CNTN1: variants seen among roughly 807,000 people sequenced by gnomAD.
CNTN1 encodes the protein contactin-1.
Under a neutral mutation model 126.4 loss-of-function variants are expected in CNTN1, and 38 were observed. The ratio of observed to expected loss-of-function variants is 0.30; its 90% CI spans 0.23 to 0.39. CNTN1 has a LOEUF of 0.39. Among genes scored for constraint, CNTN1 ranks in the 10% least tolerant of loss-of-function variants. The pLI, the probability that CNTN1 is intolerant of heterozygous loss-of-function variation, is 1.00. For synonymous variants in CNTN1, 413 were observed against 422.6 expected, an observed-to-expected ratio of 0.98 and a Z score of 0.28; for missense variants, 1,009 against 1,248.4, an observed-to-expected ratio of 0.81 and a Z score of 2.89.
At chr12:40,755,016 C>T (rs1938543952) in intron 1 of CNTN1, among the ~76,000 whole-genome samples, 1 of 151,718 alleles carries the variant, frequency 6.6e-6, no homozygotes, top group Admixed American at 6.6e-5. Context: ...CATAGTGAGA[C>T]TCTGCCTCTA....
intron 15 of CNTN1, among the ~76,000 whole-genome samples, chr12:40,974,371 G>A (rs1947613499): frequency 6.6e-6 from 1 of 152,052 alleles, no homozygotes; most frequent in South Asian, 2.1e-4. Context: ...TTGGGAGACT[G>A]AGATGGGATC....
intron 1 of CNTN1, among the ~76,000 whole-genome samples, chr12:40,880,794 C>T (rs1250597724): frequency 6.6e-6 from 1 of 151,890 alleles, no homozygotes; most frequent in Non-Finnish European, 1.5e-5. Context: ...TTATCCTTCT[C>T]TTGACTCTAT....
chr12:40,942,910 G>C (rs1237418130), intron 12 of CNTN1, among the ~76,000 whole-genome samples: 2 of 151,960 alleles, frequency 1.3e-5, no homozygotes, highest in African/African-American at 4.8e-5. Context: ...ATATACGTTT[G>C]CATGTTTTGT....
chr12:40,946,398 T>A (rs554986778), intron 14 of CNTN1, among the ~76,000 whole-genome samples: 10 of 152,064 alleles, frequency 6.6e-5, no homozygotes, highest in Non-Finnish European at 1.5e-4. Flanking sequence ...TTTATGTAGT[T>A]CTCCCAATAT....
At position 40,833,212 on chromosome 12, in the gene CNTN1, G is replaced by T. The variant is rs183170285; in HGVS notation, c.-76-75145G>T. Among the ~76,000 whole-genome samples the T allele has an allele frequency of 7.0e-4, 107 of 152,036 alleles. No homozygotes were observed. The East Asian group carries it at 0.013, about 19-fold the overall frequency. On this transcript the variant is annotated intron_variant, in intron 1 of 23. Transcript: ENST00000551295. ...CAAGTTCAAGCGACTCTTCTGCCTC[G>T]GCCTCCCGAGTAGCTGGGATTACAG... is the stretch of plus-strand genomic sequence containing the variant.
intron 1 of CNTN1, among the ~76,000 whole-genome samples, chr12:40,868,773 T>C (rs1005595370): frequency 9.9e-5 from 15 of 152,126 alleles, no homozygotes; most frequent in African/African-American, 3.4e-4. Context: ...CAGTCAATTA[T>C]AAATTCTGTG....
intron 1 of CNTN1, among the ~76,000 whole-genome samples, chr12:40,852,826 T>A (rs1297361023): frequency 1.3e-5 from 2 of 152,094 alleles, no homozygotes; most frequent in African/African-American, 4.8e-5. Flanking sequence ...TTATTAATTT[T>A]CATGATTCTA....
intron 14 of CNTN1, among the ~76,000 whole-genome samples, chr12:40,958,335 ATGTGTGTGTGTATATATGTG>A (rs1566036929): frequency 1.4e-5 from 2 of 142,784 alleles, no homozygotes; most frequent in Non-Finnish European, 1.5e-5. Context: ...GTATGTGTAT[ATGTGTGTGTGTATATATGTG>A]TGTGTGTGTG....
chr12:40,703,844 G>A (rs771390666), intron 1 of CNTN1, among the ~76,000 whole-genome samples: 25 of 152,012 alleles, frequency 1.6e-4, no homozygotes, highest in Non-Finnish European at 1.8e-4. Flanking sequence ...TGTGGTAGAC[G>A]TTGCATTGGG....
chr12:40,784,731 C>T (rs937931713), intron 1 of CNTN1, among the ~76,000 whole-genome samples: 3 of 152,062 alleles, frequency 2.0e-5, no homozygotes. Context: ...TCAACAGGGT[C>T]GTGTTCTATA....
chr12:40,725,132 T>C (rs113053146), intron 1 of CNTN1, among the ~76,000 whole-genome samples: 277 of 152,286 alleles, frequency 1.8e-3, no homozygotes, highest in Non-Finnish European at 2.8e-3. Context: ...CCAGGTGTGG[T>C]GGCTCATGCC....
At chr12:40,949,569 C>CTTTTTTTTTTTT (rs36070275) in intron 14 of CNTN1, among the ~76,000 whole-genome samples, 2 of 64,308 alleles carry the variant, frequency 3.1e-5, no homozygotes, top group Non-Finnish European at 5.6e-5. Flanking sequence ...TCTTTTCTTT[C>CTTTTTTTTTTTT]TTTTTTTTTT....
At chr12:41,039,226 G>T (rs574546149) in intron 23 of CNTN1, among the ~76,000 whole-genome samples, 1 of 152,156 alleles carries the variant, frequency 6.6e-6, no homozygotes, top group Non-Finnish European at 1.5e-5. Context: ...GAAATCTCAT[G>T]AATGGTGGTG....
At chr12:40,849,079 C>T (rs1942623118) in intron 1 of CNTN1, among the ~76,000 whole-genome samples, 2 of 152,002 alleles carry the variant, frequency 1.3e-5, no homozygotes, top group South Asian at 2.1e-4. Context: ...AACCGAAGAA[C>T]CTGAATTTAG....
At chr12:40,906,483 A>C (rs1401820958) in intron 1 of CNTN1, among the ~76,000 whole-genome samples, 2 of 152,218 alleles carry the variant, frequency 1.3e-5, no homozygotes, top group East Asian at 3.9e-4. Context: ...GGATTCTTGC[A>C]AATCAGGGAG....
At chr12:40,885,493 A>G (rs1461444854) in intron 1 of CNTN1, among the ~76,000 whole-genome samples, 2 of 151,902 alleles carry the variant, frequency 1.3e-5, no homozygotes, top group Non-Finnish European at 2.9e-5. Context: ...CTTGGTTGTG[A>G]ATCCCAACAT....
intron 1 of CNTN1, among the ~76,000 whole-genome samples, chr12:40,863,799 C>T (rs1331414417): frequency 6.6e-6 from 1 of 152,004 alleles, no homozygotes; most frequent in Middle Eastern, 3.2e-3. Context: ...CATTCCTTCT[C>T]ATCTGTGGAA....
intron 19 of CNTN1, 112 bp from the exon 20 acceptor site, chr12:41,020,225 A>C: frequency 1.5e-6 from 1 of 658,994 alleles, no homozygotes; most frequent in Non-Finnish European, 2.6e-6. Flanking sequence ...GCTATTTTAG[A>C]AACATTAAAA....
chr12:40,925,568 T>C (rs1379386678), intron 6 of CNTN1, among the ~76,000 whole-genome samples: 15 of 145,448 alleles, frequency 1.0e-4, no homozygotes, highest in African/African-American at 2.5e-5. Context: ...CACGTATATA[T>C]ACGTATATAC....
Sources: allele counts gnomAD v4.1 joint callset (sites outside exome capture counted in the v4.1 genomes callset), GRCh38; gene constraint gnomAD v4.1.1; transcripts MANE v1.5; gene names NCBI Gene and HGNC (gene_info 2026-07-23, HGNC 2026-07-21).